The following APEH variants were observed in gnomAD, a reference collection of about 807,000 sequenced individuals.
APEH encodes the protein acylaminoacyl-peptide hydrolase.
Under a neutral mutation model 102.7 loss-of-function variants are expected in APEH, and 75 were observed. The observed-to-expected ratio is 0.73, with a 90% CI of 0.61 to 0.89. The LOEUF (loss-of-function observed/expected upper bound fraction) is 0.89. Ranked by LOEUF, APEH falls within the 40% of genes least tolerant of loss-of-function variation. APEH has a pLI of 0.00. For synonymous variants in APEH, 344 were observed against 362.7 expected (o/e 0.95, Z 0.59); for missense variants, 863 against 941.2 (o/e 0.92, Z 1.09).
intron 3 of APEH, 113 bp downstream of exon 3, chr3:49,675,422 C>T (rs1006664866): frequency 6.9e-7 from 1 of 1,445,532 alleles, no homozygotes; most frequent in East Asian, 2.5e-5. Context: ...GTTCTTGCCC[C>T]CTTGGGAGCT....
Position 49,677,641 on chromosome 3 carries a change from A to T in APEH, c.1060+8A>T, listed in dbSNP as rs370430449. 2 of 1,612,476 alleles carry T rather than the reference A, an allele frequency of 1.2e-6. No homozygotes were observed. The highest frequency in any genetic ancestry group is 1.3e-5 in the African/African-American group (1 of 75,008). ...TGCCTCGGCAGCTGGGAGGTAAGGCATACCTGGCTGGGTGGGTGCAGTGGG... is the reference window on the plus strand; with the variant it reads ...TGCCTCGGCAGCTGGGAGGTAAGGCTTACCTGGCTGGGTGGGTGCAGTGGG... On this transcript the variant is annotated splice_region_variant and intron_variant, in intron 11 of 21. Coordinates refer to ENST00000296456, the MANE Select transcript of APEH (RefSeq NM_001640.4).
intron 10 of APEH, 147 bp downstream of exon 10, chr3:49,677,171 CCT>C: frequency 2.4e-6 from 3 of 1,226,494 alleles, no homozygotes; most frequent in East Asian, 4.8e-5. Context: ...TTCTGCCTGT[CCT>C]CTCAAGGAGG....
intron 19 of APEH, 49 bp from the exon 20 acceptor site, chr3:49,682,793 GC>G: frequency 1.2e-6 from 2 of 1,613,452 alleles, no homozygotes; most frequent in Non-Finnish European, 1.7e-6. Flanking sequence ...TTCTCATGGA[GC>G]CCCGTAGCCC....
chr3:49,674,030 A>G (rs1575461056), upstream of APEH: 1 of 358,402 alleles, frequency 2.8e-6, no homozygotes, highest in South Asian at 3.9e-5. Flanking sequence ...AGGCCCTTCT[A>G]CCCTCCCCGA....
chr3:49,683,415 G>C lies in APEH; in HGVS notation c.*73G>C. The C allele has an allele frequency of 7.6e-7, 1 of 1,314,892 alleles. No individual in the cohort carries two copies. Among genetic ancestry groups the C allele is most frequent in the South Asian group, 1.2e-5 (1 of 84,186 alleles). The allele number at this position is 1,314,892 out of a possible 1,614,324, so 81.5% of individuals were successfully genotyped here. A position where few individuals can be genotyped will look rare whatever the true frequency, so the allele number is the denominator to read the frequency against. ...CTTGAGGAGCTCAACGGTCTGGCAG[G>C]GCAGCAGGAGGCTTTCTGGGCTCTG... On this transcript the variant is annotated 3_prime_UTR_variant, in exon 22 of 22. Transcript: ENST00000296456.
chr3:49,681,864 C>A, intron 16 of APEH, 23 bp from the exon 17 acceptor site: 1 of 1,612,516 alleles, frequency 6.2e-7, no homozygotes. Context: ...CTGGCCCTTT[C>A]ACCCTCCGCT....
At chr3:49,674,750 A>T in intron 2 of APEH, 129 bp downstream of exon 2, 1 of 1,274,650 alleles carries the variant, frequency 7.8e-7, no homozygotes, top group South Asian at 1.4e-5. Context: ...CTTGGAGGTT[A>T]CACTCCCACA....
chr3:49,682,210 C>CT (rs1322049490), intron 17 of APEH, 138 bp from the exon 18 acceptor site: 1 of 982,700 alleles, frequency 1.0e-6, no homozygotes, highest in Non-Finnish European at 1.5e-6. Context: ...CCTCAAATCT[C>CT]TGAGTCCCTT....
chr3:49,678,971 G>A (rs1484298958), intron 12 of APEH, 22 bp downstream of exon 12: 1 of 1,601,440 alleles, frequency 6.2e-7, no homozygotes, highest in African/African-American at 1.3e-5. Flanking sequence ...TGATTGTGTT[G>A]AGGGGCAGCC....
chr3:49,678,971 G>C, intron 12 of APEH, 22 bp downstream of exon 12: 1 of 1,601,560 alleles, frequency 6.2e-7, no homozygotes, highest in Non-Finnish European at 8.5e-7. Flanking sequence ...TGATTGTGTT[G>C]AGGGGCAGCC....
rs374764332 is a variant in APEH, at chr3:49,680,501, T to C, written c.1211-40T>C. 6 of 1,559,530 alleles carry C rather than the reference T, an allele frequency of 3.8e-6. No homozygotes were observed. In the African/African-American group the frequency reaches 8.1e-5, roughly 21 times the overall value. ...ACAGAGAAGCAGGTAAGAAAGGTGA[T>C]GGCTCCTGCTAAGCACTTAATGGCA... On this transcript the variant is annotated intron_variant, in intron 13 of 21. Coordinates refer to ENST00000296456, the MANE Select transcript of APEH (RefSeq NM_001640.4).
intron 15 of APEH, 25 bp from the exon 16 acceptor site, chr3:49,681,697 G>A (rs1386278314): frequency 1.3e-6 from 2 of 1,538,522 alleles, no homozygotes; most frequent in Non-Finnish European, 1.8e-6. Context: ...GGCTCACCCT[G>A]CTGACTGCTG....
chr3:49,676,741 T>G (rs368199840), intron 8 of APEH, 36 bp from the exon 9 acceptor site: 2 of 1,614,114 alleles, frequency 1.2e-6, no homozygotes, highest in African/African-American at 2.7e-5. Flanking sequence ...GCAGCCCAGC[T>G]GGCCTTGAGA....
intron 11 of APEH, 96 bp from the exon 12 acceptor site, chr3:49,678,754 AGG>A (rs1237977990): frequency 1.0e-6 from 1 of 1,000,736 alleles, no homozygotes; most frequent in African/African-American, 1.6e-5. Context: ...GTGCCTGAGT[AGG>A]GCCCTGGGTG....
At chr3:49,677,169 G>C in intron 10 of APEH, 145 bp downstream of exon 10, 1 of 1,233,576 alleles carries the variant, frequency 8.1e-7, no homozygotes, top group African/African-American at 1.5e-5. Context: ...AGTTCTGCCT[G>C]TCCTCTCAAG....
Position 49,679,756 on chromosome 3 carries a change from C to A in APEH, c.1210+112C>A. 9.0e-7 allele frequency: 1 copy of A among 1,116,302 alleles called. No individual in the cohort carries two copies. The highest frequency in any genetic ancestry group is 1.3e-6 in the Non-Finnish European group (1 of 751,086). 69.1% of individuals were successfully genotyped at this position (1,116,302 alleles called of 1,614,324 possible). On this transcript the variant is annotated intron_variant, in intron 13 of 21. Transcript: ENST00000296456. This position sits in a 1 kb window ranked among gnomAD's most constrained non-coding sequence, Gnocchi z 4.3. ...GGCAGTGATGGCATTCTCAGCCACT[C>A]AGCACCACTGACTGTTCCACAGCCT...
rs1178442494 is a variant in APEH, at chr3:49,680,509, G to A, written c.1211-32G>A. 4 of 1,592,678 alleles carry A rather than the reference G, an allele frequency of 2.5e-6. No homozygotes were observed. In the Admixed American group the frequency reaches 5.0e-5, roughly 20 times the overall value. On this transcript the variant is annotated intron_variant, in intron 13 of 21. Coordinates refer to ENST00000296456, the MANE Select transcript of APEH (RefSeq NM_001640.4). ...GCAGGTAAGAAAGGTGATGGCTCCTGCTAAGCACTTAATGGCATCTGCCTT... is the reference window on the plus strand; with the variant it reads ...GCAGGTAAGAAAGGTGATGGCTCCTACTAAGCACTTAATGGCATCTGCCTT...
rs943852811 is a variant in APEH, at chr3:49,683,720, A to C, written c.*378A>C. Reference sequence around the variant, plus strand: ...CCCTGCTGCAGCCCCTTCCATTAGCAACTACTCTGTACCACCCTTCCCAAG... The same window carrying C: ...CCCTGCTGCAGCCCCTTCCATTAGCCACTACTCTGTACCACCCTTCCCAAG... On this transcript the variant is annotated 3_prime_UTR_variant, in exon 22 of 22. Coordinates refer to ENST00000296456, the MANE Select transcript of APEH (RefSeq NM_001640.4). The C allele has an allele frequency of 6.2e-6, 3 of 480,090 alleles. No homozygotes were observed. The Admixed American group carries it at 1.1e-4, about 17-fold the overall frequency. The allele number at this position is 480,090 out of a possible 1,614,324, so 29.7% of individuals were successfully genotyped here.
chr3:49,680,427 G>C, intron 13 of APEH, 114 bp from the exon 14 acceptor site: 1 of 922,496 alleles, frequency 1.1e-6, no homozygotes, highest in Non-Finnish European at 1.7e-6. Context: ...GGCACTTCTC[G>C]GGGAGAAAAG....
Sources: gnomAD v4.1 joint callset for allele counts on GRCh38, gnomAD v4.1.1 for gene constraint, Gnocchi (gnomAD v3.1) non-coding constraint, MANE v1.5 for transcripts, NCBI Gene and HGNC (gene_info 2026-07-23, HGNC 2026-07-21) for gene names.